NBPF20: variants seen among roughly 807,000 people sequenced by gnomAD.
The protein encoded by NBPF20 is NBPF member 20.
A neutral mutation model predicts 68.1 loss-of-function variants in NBPF20; 90 were observed. The observed-to-expected ratio is 1.32, with a 90% CI of 1.11 to 1.58. NBPF20 has a LOEUF of 1.58. Among genes scored for constraint, NBPF20 ranks in the 40% most tolerant of loss-of-function variants. The probability of loss-of-function intolerance (pLI) is 0.00; values close to 1 mark genes in which losing one functional copy is unlikely to be tolerated. For missense variants in NBPF20, 816 were observed against 601.2 expected, an observed-to-expected ratio of 1.36 and a Z score of -3.74; for synonymous variants, 290 against 228.1, an observed-to-expected ratio of 1.27 and a Z score of -2.45.
intron 2 of NBPF20, among the ~76,000 whole-genome samples, chr1:145,404,294 T>C (rs1662665312): frequency 6.6e-6 from 1 of 152,072 alleles, no homozygotes; most frequent in South Asian, 2.1e-4. Context: ...AGTCTTGCCC[T>C]GTCACCCATG....
chr1:145,407,586 TTA>T (rs375463984), upstream of NBPF20, among the ~76,000 whole-genome samples: 3 of 146,956 alleles, frequency 2.0e-5, no homozygotes, highest in African/African-American at 5.0e-5. Flanking sequence ...TATATATATA[TTA>T]TATATATATA....
chr1:145,306,229 C>G (rs1398200865), intron 119 of NBPF20, among the ~76,000 whole-genome samples, 164 bp from the exon 125 acceptor site: 15 of 140,748 alleles, frequency 1.1e-4, no homozygotes, highest in Non-Finnish European at 1.9e-4. Flanking sequence ...AGAACAGGGC[C>G]AAATGGAAAA....
chr1:145,400,948 G>A, intron 5 of NBPF20, 111 bp downstream of exon 10: 1 of 1,298,830 alleles, frequency 7.7e-7, no homozygotes, highest in Non-Finnish European at 1.1e-6. Flanking sequence ...CACATACTGT[G>A]GCCAAGCAAA....
exon 3 of NBPF20, chr1:145,403,247 C>A (rs1662611055): frequency 6.2e-7 from 1 of 1,612,528 alleles, no homozygotes; most frequent in South Asian, 1.1e-5. Context: ...AGCTGCTCTG[C>A]AAGCTTCTCC....
chr1:145,402,570 G>A (rs1662573404), intron 3 of NBPF20, among the ~76,000 whole-genome samples, 189 bp from the exon 9 acceptor site: 1 of 151,974 alleles, frequency 6.6e-6, no homozygotes, highest in South Asian at 2.1e-4. Context: ...CTGTATCAGA[G>A]AGGGCTCTTG....
chr1:145,393,955 G>A lies in NBPF20; in HGVS notation c.992-20C>T. The A allele has an allele frequency of 3.9e-6, 5 of 1,268,972 alleles. No homozygotes were observed. Among genetic ancestry groups the A allele is most frequent in the Non-Finnish European group, 5.7e-6 (5 of 879,402 alleles). 78.6% of individuals were successfully genotyped at this position (1,268,972 alleles called of 1,614,324 possible). A position where few individuals can be genotyped will look rare whatever the true frequency, so the allele number is the denominator to read the frequency against. Reference sequence around the variant, plus strand: ...GATGTCCTGCAAATAAATTCAGATGGGCCCTCTTACATTAAGCAGTTCTTC... The same window carrying A: ...GATGTCCTGCAAATAAATTCAGATGAGCCCTCTTACATTAAGCAGTTCTTC... On this transcript the variant is annotated intron_variant, in intron 8 of 137. Transcript: ENST00000369373.
intron 3 of NBPF20, 79 bp from the exon 9 acceptor site, chr1:145,402,460 G>A (rs2101579254): frequency 3.3e-6 from 5 of 1,530,302 alleles, no homozygotes; most frequent in African/African-American, 1.4e-5. Context: ...AGATTTCTGA[G>A]ATAATGTCCT....
intron 136 of NBPF20, among the ~76,000 whole-genome samples, 172 bp from the exon 142 acceptor site, chr1:145,292,661 T>G (rs1451405177): frequency 4.1e-5 from 6 of 147,354 alleles, no homozygotes; most frequent in Non-Finnish European, 5.9e-5. Flanking sequence ...ACTTCCTCGG[T>G]TTTTCTCCCA....
chr1:145,291,286 G>C (rs1178688591), exon 138 of NBPF20: 8 of 646,132 alleles, frequency 1.2e-5, no homozygotes, highest in South Asian at 4.0e-5. Flanking sequence ...TAAAATGTCT[G>C]ACTGATCACT....
At chr1:145,397,206 G>A (rs1353326673) in intron 7 of NBPF20, among the ~76,000 whole-genome samples, 2 of 148,850 alleles carry the variant, frequency 1.3e-5, no homozygotes, top group African/African-American at 2.5e-5. Context: ...CTTTGCTATT[G>A]TGAATAGTGC....
chr1:145,400,742 C>T, intron 5 of NBPF20, 148 bp from the exon 11 acceptor site: 3 of 1,338,558 alleles, frequency 2.2e-6, no homozygotes, highest in East Asian at 2.3e-5. Flanking sequence ...AACATGCAAT[C>T]CTGTTCTCTC....
the NBPF20 span, among the ~76,000 whole-genome samples, chr1:145,423,900 CA>C: frequency 6.6e-6 from 1 of 151,456 alleles, no homozygotes; most frequent in Non-Finnish European, 1.5e-5. Context: ...GCCACTCCTA[CA>C]AATATACCCC....
In NBPF20 at chr1:145,393,344, A is replaced by T. The variant is rs1341499058; in HGVS notation, c.1044-98T>A. The stretch of plus-strand genomic sequence containing the variant: ...GGCTAACGTAAGGAAGAGTTTGAAA[A>T]GAAAAAGGACAGATCCATTAATGAG... On this transcript the variant is annotated intron_variant, in intron 9 of 137. Transcript: ENST00000369373. 10 of 700,108 alleles carry T rather than the reference A, an allele frequency of 1.4e-5. No homozygotes were observed. The East Asian group carries it at 1.6e-4, about 11-fold the overall frequency. 43.4% of individuals were successfully genotyped at this position (700,108 alleles called of 1,614,324 possible). A position where few individuals can be genotyped will look rare whatever the true frequency, so the allele number is the denominator to read the frequency against.
In NBPF20 at chr1:145,372,498, A is replaced by T. The variant is rs1283708770; in HGVS notation, c.4369+14T>A. On this transcript the variant is annotated intron_variant, in intron 36 of 137. Transcript: ENST00000369373. ...CCAGGTGGAGGCTTATCACCTTCAC[A>T]GTAAGATACTCACTGTCCACGTCAA... is the stretch of plus-strand genomic sequence containing the variant. 3.1e-5 allele frequency: 16 copies of T among 519,958 alleles called. 1 individual carries two copies. The highest frequency in any genetic ancestry group is 6.1e-5 in the Admixed American group (2 of 32,684). The allele number at this position is 519,958 out of a possible 1,614,324, so 32.2% of individuals were successfully genotyped here.
chr1:145,422,904 G>A, the NBPF20 span, among the ~76,000 whole-genome samples: 18 of 147,498 alleles, frequency 1.2e-4, no homozygotes, highest in Non-Finnish European at 4.5e-5. Context: ...TGGGAGGATC[G>A]CTTGAGCCAG....
chr1:145,410,508 T>A (rs1662964607), upstream of NBPF20, among the ~76,000 whole-genome samples: 1 of 150,138 alleles, frequency 6.7e-6, no homozygotes, highest in Admixed American at 6.7e-5. Flanking sequence ...AGAGACGGGG[T>A]TTCACCGTTT....
intron 119 of NBPF20, among the ~76,000 whole-genome samples, chr1:145,306,324 G>A (rs1370330690): frequency 6.9e-6 from 1 of 145,694 alleles, no homozygotes; most frequent in African/African-American, 2.5e-5. Flanking sequence ...CACAGAGAGA[G>A]AGAACGAGCT....
the NBPF20 span, among the ~76,000 whole-genome samples, chr1:145,410,612 C>T: frequency 6.6e-6 from 1 of 150,888 alleles, no homozygotes; most frequent in African/African-American, 2.4e-5. Flanking sequence ...CGCGCCCGGC[C>T]CCATGTATCT....
chr1:145,416,158 G>T, the NBPF20 span, among the ~76,000 whole-genome samples: 1 of 150,426 alleles, frequency 6.6e-6, no homozygotes, highest in Non-Finnish European at 1.5e-5. Context: ...AAATAAAGAC[G>T]GTTCACTACT....
Sources: gnomAD v4.1 joint callset for allele counts (sites outside exome capture counted in the v4.1 genomes callset) on GRCh38, gnomAD v4.1.1 for gene constraint, MANE v1.5 for transcripts, NCBI Gene and HGNC (gene_info 2026-07-23, HGNC 2026-07-21) for gene names.